The following CDH12 variants were observed in gnomAD, a reference collection of about 807,000 sequenced individuals.
CDH12 encodes cadherin 12.
Under a neutral mutation model 74.1 loss-of-function variants are expected in CDH12, and 41 were observed. The observed-to-expected ratio is 0.55, with a 90% CI of 0.43 to 0.72. The LOEUF (loss-of-function observed/expected upper bound fraction) is 0.72, where lower values mean the gene tolerates loss of function less well. Ranked by LOEUF, CDH12 falls within the 30% of genes least tolerant of loss-of-function variation. CDH12 has a pLI of 0.00. For missense variants in CDH12, 945 were observed against 977.2 expected, an observed-to-expected ratio of 0.97 and a Z score of 0.44; for synonymous variants, 399 against 355.0, an observed-to-expected ratio of 1.12 and a Z score of -1.39.
intron 5 of CDH12, among the ~76,000 whole-genome samples, chr5:22,045,237 A>G (rs994543043): frequency 6.6e-6 from 1 of 152,186 alleles, no homozygotes; most frequent in Non-Finnish European, 1.5e-5. Context: ...AAACCATAAT[A>G]AGATTGCACC....
intron 3 of CDH12, among the ~76,000 whole-genome samples, chr5:22,400,119 GT>G (rs1200098021): frequency 6.6e-6 from 1 of 152,030 alleles, no homozygotes; most frequent in African/African-American, 2.4e-5. Context: ...CTTTCTAGTG[GT>G]TAGATATCTC....
In CDH12 at chr5:21,764,441, A is replaced by G. The variant is rs149802715; in HGVS notation, c.1515+537T>C. On this transcript the variant is annotated intron_variant, in intron 12 of 14. Transcript: ENST00000382254. ...TGCAGGTGTGTCACTTGAGGTCAGG[A>G]GTTCGAGTCCAGCCTGGCTAACATG... 4.6e-3 allele frequency among the ~76,000 whole-genome samples: 699 copies of G among 151,512 alleles called. 5 individuals carry two copies. The highest frequency in any genetic ancestry group is 0.016 in the African/African-American group (669 of 41,268).
chr5:22,253,334 T>G (rs1753197509), intron 3 of CDH12, among the ~76,000 whole-genome samples: 1 of 151,898 alleles, frequency 6.6e-6, no homozygotes, highest in African/African-American at 2.4e-5. Flanking sequence ...ATAAATAACT[T>G]TATAACTGTT....
chr5:22,664,578 C>T (rs772268720), intron 1 of CDH12, among the ~76,000 whole-genome samples: 9 of 152,254 alleles, frequency 5.9e-5, no homozygotes, highest in Middle Eastern at 6.8e-3. Flanking sequence ...TGGGTGAGGA[C>T]ACAAAGCCTA....
intron 6 of CDH12, among the ~76,000 whole-genome samples, chr5:21,956,455 G>A (rs142999714): frequency 1.7e-3 from 255 of 152,142 alleles, no homozygotes; most frequent in African/African-American, 6.0e-3. Flanking sequence ...ATGCAGTTCA[G>A]ATTCTGGGGT....
At chr5:22,091,426 C>T (rs1160491241) in intron 4 of CDH12, among the ~76,000 whole-genome samples, 1 of 150,782 alleles carries the variant, frequency 6.6e-6, no homozygotes, top group Admixed American at 6.6e-5. Context: ...AAAAATGGCA[C>T]TGAAAATTGA....
chr5:22,580,803 C>G (rs908290326), intron 1 of CDH12: 16 of 234,554 alleles, frequency 6.8e-5, no homozygotes, highest in African/African-American at 3.6e-4. Context: ...CCATTAACAA[C>G]TTGATCTTAT....
intron 1 of CDH12, among the ~76,000 whole-genome samples, chr5:22,651,302 C>T (rs1480362394): frequency 6.6e-6 from 1 of 151,974 alleles, no homozygotes; most frequent in South Asian, 2.1e-4. Flanking sequence ...TATATTAGTC[C>T]ATTTTCACAC....
intron 3 of CDH12, among the ~76,000 whole-genome samples, chr5:22,283,803 G>A (rs961432059): frequency 2.0e-5 from 3 of 152,006 alleles, no homozygotes; most frequent in African/African-American, 4.8e-5. Flanking sequence ...TCTGCAAGGC[G>A]ATGGATATCT....
intron 2 of CDH12, among the ~76,000 whole-genome samples, chr5:22,444,661 C>CA (rs1360584096): frequency 6.6e-6 from 1 of 151,730 alleles, no homozygotes; most frequent in Non-Finnish European, 1.5e-5. Context: ...CTATATTTTC[C>CA]AAAGCCCCAT....
At chr5:22,366,142 A>G (rs557955890) in intron 3 of CDH12, among the ~76,000 whole-genome samples, 2 of 152,162 alleles carry the variant, frequency 1.3e-5, no homozygotes, top group East Asian at 3.9e-4. Context: ...TATTTTTAGT[A>G]GAGATGGGTT....
chr5:22,442,944 G>A (rs915495135), intron 2 of CDH12, among the ~76,000 whole-genome samples: 1 of 152,094 alleles, frequency 6.6e-6, no homozygotes, highest in East Asian at 1.9e-4. Context: ...TCAATATTGT[G>A]TAGATGAGAC....
rs113211731 is a variant in CDH12, at chr5:22,436,391, T to G, written c.-427-31040A>C. On this transcript the variant is annotated intron_variant, in intron 2 of 14. Transcript: ENST00000382254. ...CCAACATGGCAGATGTATACATATGTAACAAACCTGCACGTTGTGCACATG... is the reference window on the plus strand; with the variant it reads ...CCAACATGGCAGATGTATACATATGGAACAAACCTGCACGTTGTGCACATG... Among the ~76,000 whole-genome samples, 947 of 149,818 alleles carry G rather than the reference T, an allele frequency of 6.3e-3. 11 individuals are homozygous for G. Among genetic ancestry groups the G allele is most frequent in the African/African-American group, 0.022 (906 of 40,832 alleles).
chr5:22,681,747 A>C (rs1706558948), intron 1 of CDH12, among the ~76,000 whole-genome samples: 1 of 152,124 alleles, frequency 6.6e-6, no homozygotes, highest in African/African-American at 2.4e-5. Flanking sequence ...GATTGTTTCA[A>C]ATTTTTAGAA....
At chr5:22,497,863 AAACTC>A (rs545963796) in intron 2 of CDH12, among the ~76,000 whole-genome samples, 112 of 151,834 alleles carry the variant, frequency 7.4e-4, no homozygotes, top group African/African-American at 2.5e-3. Context: ...GGCTGGTCTC[AAACTC>A]CTGACCTCAA....
chr5:22,631,945 TC>T (rs1237093800), intron 1 of CDH12, among the ~76,000 whole-genome samples: 1 of 151,916 alleles, frequency 6.6e-6, no homozygotes, highest in Non-Finnish European at 1.5e-5. Context: ...TCCAATCACC[TC>T]CCACCAGGCC....
rs191601105 is a variant in CDH12 at position 22,699,580 on chromosome 5, T to C, written c.-523+153478A>G. The stretch of plus-strand genomic sequence containing the variant: ...AGCAATGGATGGCTCAGTACCTTTC[T>C]AGGATCTGGTCCCAAGAAGGGTACC... On this transcript the variant is annotated intron_variant, in intron 1 of 14. Transcript: ENST00000382254. 2.9e-3 allele frequency among the ~76,000 whole-genome samples: 442 copies of C among 152,282 alleles called. 7 individuals are homozygous for C. Among genetic ancestry groups the C allele is most frequent in the Middle Eastern group, 3.4e-3 (1 of 294 alleles).
intron 1 of CDH12, among the ~76,000 whole-genome samples, chr5:22,770,142 C>T (rs1316899386): frequency 2.0e-5 from 3 of 150,758 alleles, no homozygotes; most frequent in African/African-American, 7.3e-5. Flanking sequence ...CCCATTCTTA[C>T]ACCTGTGTAT....
chr5:22,264,999 C>G, intron 3 of CDH12, among the ~76,000 whole-genome samples: 1 of 152,152 alleles, frequency 6.6e-6, no homozygotes, highest in Non-Finnish European at 1.5e-5. Flanking sequence ...TGAGAACATT[C>G]TTTTCACAAT....
Sources: allele counts gnomAD v4.1 joint callset (sites outside exome capture counted in the v4.1 genomes callset), GRCh38; gene constraint gnomAD v4.1.1; transcripts MANE v1.5; gene names NCBI Gene and HGNC (gene_info 2026-07-23, HGNC 2026-07-21).